The following CEP192 variants were observed in gnomAD, a reference collection of about 807,000 sequenced individuals.
The protein encoded by CEP192 is centrosomal protein of 192 kDa.
A neutral mutation model predicts 271.8 loss-of-function variants in CEP192; 151 were observed. The observed-to-expected ratio is 0.56, with a 90% CI of 0.49 to 0.64. The LOEUF (loss-of-function observed/expected upper bound fraction) is 0.64. Ranked by LOEUF, CEP192 falls within the 30% of genes least tolerant of loss-of-function variation. The pLI is 0.00. For missense variants in CEP192, 2,910 were observed against 3,020.5 expected, an observed-to-expected ratio of 0.96 and a Z score of 0.86; for synonymous variants, 995 against 1,076.5, an observed-to-expected ratio of 0.92 and a Z score of 1.48.
intron 3 of CEP192, among the ~76,000 whole-genome samples, chr18:13,007,931 C>T (rs2034084296): frequency 6.6e-6 from 1 of 152,164 alleles, no homozygotes; most frequent in Admixed American, 6.5e-5. Flanking sequence ...GCTCTAGACC[C>T]AAGAGCTTTT....
chr18:12,999,828 A>AT (rs36207281), intron 2 of CEP192, among the ~76,000 whole-genome samples: 1,857 of 124,026 alleles, frequency 0.015, 45 homozygotes, highest in African/African-American at 0.026. Flanking sequence ...ATTTCGGTCT[A>AT]TTTTTTTTTT....
chr18:13,059,052 A>T, intron 20 of CEP192, 30 bp from the exon 21 acceptor site: 1 of 1,439,612 alleles, frequency 6.9e-7, no homozygotes, highest in Non-Finnish European at 9.8e-7. Context: ...TGAAGCCATT[A>T]ATAACGAACT....
Position 13,074,798 on chromosome 18 carries a change from G to A in CEP192, c.5616+1613G>A, listed in dbSNP as rs148101016. Among the ~76,000 whole-genome samples the A allele has an allele frequency of 4.5e-4, 69 of 152,296 alleles. No homozygotes were observed. The East Asian group carries it at 0.013, about 29-fold the overall frequency. On this transcript the variant is annotated intron_variant, in intron 30 of 44. Coordinates refer to ENST00000506447, the MANE Select transcript of CEP192 (RefSeq NM_032142.4). ...TAGCCTGCAGAGTGGCGGAAGAGCT[G>A]TTAACATGACAGGAGAACCCAGGGA...
At chr18:13,007,703 A>G (rs1232927460) in intron 3 of CEP192, among the ~76,000 whole-genome samples, 1 of 152,072 alleles carries the variant, frequency 6.6e-6, no homozygotes, top group African/African-American at 2.4e-5. Flanking sequence ...CAGTAAAGAG[A>G]TGGAGAAACT....
chr18:13,014,904 C>T lies in CEP192; in HGVS notation c.520-424C>T, dbSNP rs117271020. On this transcript the variant is annotated intron_variant, in intron 5 of 44. Transcript: ENST00000506447. ...TGCGTGCCCTTTAGGGTTACATGTT[C>T]CCTGGTTGAGGAGCAGAGAAATTGA... Among the ~76,000 whole-genome samples, 1,040 of 152,190 alleles carry T rather than the reference C, an allele frequency of 6.8e-3. 9 individuals carry two copies. The highest frequency in any genetic ancestry group is 0.011 in the Non-Finnish European group (732 of 68,022).
chr18:13,107,233 A>G (rs530148548), intron 40 of CEP192, among the ~76,000 whole-genome samples: 21 of 152,370 alleles, frequency 1.4e-4, no homozygotes, highest in Admixed American at 1.0e-3. Context: ...GCTGTGGCGC[A>G]TGACTCTAGT....
chr18:13,083,071 A>G (rs1028921305), intron 30 of CEP192, among the ~76,000 whole-genome samples: 1 of 151,878 alleles, frequency 6.6e-6, no homozygotes, highest in South Asian at 2.1e-4. Flanking sequence ...CTTCATTCCA[A>G]CCTTGGTGAA....
rs771579439 is a variant in CEP192, at chr18:13,089,543, A to G, written c.6081A>G (p.Gln2027=). The change falls in exon 33 of 45, where the codon CAA becomes CAG. Residue 2027 remains glutamine (Q), a synonymous_variant. Transcript: ENST00000506447. ...LQNINFVEAF[Q]DELLVTEVYD... Reference sequence around the variant, plus strand: ...ACATTAATTTTGTTGAAGCATTTCAAGATGAGCTATTAGTAACTGAAGGTA... The same window carrying G: ...ACATTAATTTTGTTGAAGCATTTCAGGATGAGCTATTAGTAACTGAAGGTA... The G allele has an allele frequency of 6.3e-7, 1 of 1,578,660 alleles. No homozygotes were observed. Among genetic ancestry groups the G allele is most frequent in the Non-Finnish European group, 8.7e-7 (1 of 1,150,814 alleles).
intron 9 of CEP192, among the ~76,000 whole-genome samples, chr18:13,028,868 A>T (rs1019066313): frequency 6.6e-6 from 1 of 152,122 alleles, no homozygotes; most frequent in African/African-American, 2.4e-5. Flanking sequence ...CCAGTTAATA[A>T]ATGGTGGCAC....
At chr18:13,087,483 C>T (rs2038949949) in intron 31 of CEP192, 48 bp from the exon 32 acceptor site, 3 of 1,078,048 alleles carry the variant, frequency 2.8e-6, no homozygotes, top group Non-Finnish European at 4.0e-6. Context: ...ATTGAAATTA[C>T]TTAAAAATAT....
chr18:12,999,511 T>A lies in CEP192; in HGVS notation c.87T>A (p.Asn29Lys). 6.4e-7 allele frequency: 1 copy of A among 1,551,122 alleles called. No individual in the cohort carries two copies. The highest frequency in any genetic ancestry group is 8.7e-7 in the Non-Finnish European group (1 of 1,146,756). The change falls in exon 2 of 45, where the codon AAT (asparagine) becomes AAA (lysine). Residue 29 changes from asparagine to lysine, a missense_variant. Coordinates refer to ENST00000506447, the MANE Select transcript of CEP192 (RefSeq NM_032142.4). ...SLFGNSGILENVTLSSNLGLP... is the reference protein window; with the variant it reads ...SLFGNSGILEKVTLSSNLGLP... Reference sequence around the variant, plus strand: ...TTGGTAACAGTGGGATTTTGGAAAATGTCACTCTTTCTTCAAATCTTGGCT... The same window carrying A: ...TTGGTAACAGTGGGATTTTGGAAAAAGTCACTCTTTCTTCAAATCTTGGCT...
In CEP192 at chr18:13,123,939, C is replaced by T. The variant is rs1329431275; in HGVS notation, c.7476-693C>T. On this transcript the variant is annotated intron_variant, in intron 44 of 44. Transcript: ENST00000506447. Reference sequence around the variant, plus strand: ...CTTTGGGAAGCCAAGGCGGGTGGATCACTTTAGGCCAGGAGTTTGAGATTA... The same window carrying T: ...CTTTGGGAAGCCAAGGCGGGTGGATTACTTTAGGCCAGGAGTTTGAGATTA... 3.3e-5 allele frequency among the ~76,000 whole-genome samples: 5 copies of T among 152,262 alleles called. No homozygotes were observed. The East Asian group carries it at 9.7e-4, about 29-fold the overall frequency.
intron 32 of CEP192, chr18:13,088,902 G>A (rs751384031): frequency 4.5e-6 from 2 of 447,238 alleles, no homozygotes; most frequent in South Asian, 3.2e-5. Flanking sequence ...ATCACATTAT[G>A]AGGTATTCTG....
chr18:13,097,418 C>CA (rs1334304482), intron 36 of CEP192, among the ~76,000 whole-genome samples: 1 of 152,146 alleles, frequency 6.6e-6, no homozygotes, highest in East Asian at 1.9e-4. Context: ...CATACGGAAA[C>CA]ACGTTTTTTT....
intron 3 of CEP192, among the ~76,000 whole-genome samples, chr18:13,003,028 C>T (rs1182707185): frequency 6.6e-6 from 1 of 151,826 alleles, no homozygotes; most frequent in African/African-American, 2.4e-5. Flanking sequence ...AGATGTTAAA[C>T]AAGACACTAA....
chr18:13,038,417 G>T lies in CEP192; in HGVS notation c.1647G>T (p.Thr549=). ...AHNTSVALGD[T]SWGATINYSL... ...ATACTTCGGTTGCACTGGGCGATAC[G>T]TCCTGGGGAGCTACAATTAATTACA... The change falls in exon 13 of 45, where the codon ACG becomes ACT. Residue 549 remains threonine, a synonymous_variant. Transcript: ENST00000506447. 1 of 1,551,634 alleles carries T rather than the reference G, an allele frequency of 6.4e-7. No individual in the cohort carries two copies. The highest frequency in any genetic ancestry group is 1.2e-5 in the South Asian group (1 of 84,068).
intron 33 of CEP192, among the ~76,000 whole-genome samples, chr18:13,090,826 G>T (rs1229283228): frequency 6.6e-6 from 1 of 152,154 alleles, no homozygotes; most frequent in African/African-American, 2.4e-5. Flanking sequence ...CTATGGAGAT[G>T]GAACACTAAC....
chr18:13,066,416 T>G (rs1228620822), intron 21 of CEP192, among the ~76,000 whole-genome samples: 1 of 152,236 alleles, frequency 6.6e-6, no homozygotes, highest in African/African-American at 2.4e-5. Context: ...CCTGATTTTC[T>G]TCTAGTGGCT....
chr18:13,018,735 CT>C, intron 8 of CEP192, 120 bp downstream of exon 8: 1 of 690,690 alleles, frequency 1.4e-6, no homozygotes, highest in Non-Finnish European at 2.2e-6. Context: ...TCCCTCAGGT[CT>C]TTAGACAGTC....
Sources: gnomAD v4.1 joint callset for allele counts (sites outside exome capture counted in the v4.1 genomes callset) on GRCh38, gnomAD v4.1.1 for gene constraint, MANE v1.5 for transcripts, NCBI Gene and HGNC (gene_info 2026-07-23, HGNC 2026-07-21) for gene names.